The following AGMO variants were observed in gnomAD, a reference collection of about 807,000 sequenced individuals.
AGMO encodes the protein alkylglycerol monooxygenase.
In AGMO, 75 loss-of-function variants were observed where a neutral mutation model predicts 60.2. The ratio of observed to expected loss-of-function variants is 1.25; its 90% CI spans 1.03 to 1.51. The LOEUF is 1.51. Among genes scored for constraint, AGMO ranks in the 40% most tolerant of loss-of-function variants. The pLI is 0.00. For synonymous variants in AGMO, 261 were observed against 177.1 expected (o/e 1.47, Z -3.76); for missense variants, 763 against 525.5 (o/e 1.45, Z -4.42).
At chr7:15,185,842 A>G in the AGMO span, among the ~76,000 whole-genome samples, 1 of 152,350 alleles carries the variant, frequency 6.6e-6, no homozygotes, top group East Asian at 1.9e-4. Context: ...AAATTGGCCT[A>G]GAATCAAAAT....
At chr7:15,199,522 T>C (rs779409007), downstream of AGMO, among the ~76,000 whole-genome samples, 1 of 152,208 alleles carries the variant, frequency 6.6e-6, no homozygotes, top group Non-Finnish European at 1.5e-5. Flanking sequence ...TCTGACATAC[T>C]AAACAACTAT....
rs1224698959 is a variant in AGMO, at chr7:15,529,292, C to T, written c.409+15480G>A. ...GAAAGTATTGAAACAAATGTACCAC[C>T]CTATAATATTTAAATATATATTACT... On this transcript the variant is annotated intron_variant, in intron 3 of 12. Transcript: ENST00000342526. 2.7e-5 allele frequency among the ~76,000 whole-genome samples: 4 copies of T among 150,684 alleles called. No homozygotes were observed. The East Asian group carries it at 7.8e-4, about 30-fold the overall frequency.
At chr7:15,193,853 T>C in the AGMO span, among the ~76,000 whole-genome samples, 4 of 152,314 alleles carry the variant, frequency 2.6e-5, no homozygotes, top group East Asian at 7.7e-4. Flanking sequence ...AACATACTTT[T>C]ATTTTGATGT....
At chr7:15,226,392 C>G (rs752348510) in intron 12 of AGMO, among the ~76,000 whole-genome samples, 19 of 152,022 alleles carry the variant, frequency 1.2e-4, no homozygotes, top group Non-Finnish European at 2.8e-4. Context: ...TTTAAGATGA[C>G]AATATTTTTC....
intron 12 of AGMO, among the ~76,000 whole-genome samples, chr7:15,345,766 T>TA (rs1170804308): frequency 6.6e-6 from 1 of 152,150 alleles, no homozygotes; most frequent in African/African-American, 2.4e-5. Flanking sequence ...CTTGATAACT[T>TA]ACTTATCTAT....
At chr7:15,300,243 G>C (rs1427851358) in intron 12 of AGMO, among the ~76,000 whole-genome samples, 4 of 151,726 alleles carry the variant, frequency 2.6e-5, no homozygotes, top group Non-Finnish European at 5.9e-5. Context: ...TGAGGGAAGT[G>C]CTGAGTATGT....
At chr7:15,293,909 A>G (rs4721425) in intron 12 of AGMO, among the ~76,000 whole-genome samples, 53,523 of 152,000 alleles carry the variant, frequency 0.35, 11,068 homozygotes, top group East Asian at 0.5. Context: ...CAGAGGTGCA[A>G]TATCTCTGAA....
At chr7:15,358,135 T>C (rs989467727) in intron 12 of AGMO, 2 of 180,124 alleles carry the variant, frequency 1.1e-5, no homozygotes, top group African/African-American at 4.8e-5. Context: ...AATGAACATT[T>C]AATTCACCAT....
chr7:15,340,670 G>A (rs1421656596), intron 12 of AGMO, among the ~76,000 whole-genome samples: 1 of 152,188 alleles, frequency 6.6e-6, no homozygotes, highest in Non-Finnish European at 1.5e-5. Context: ...CTATGGGTGT[G>A]CAGAAGACAA....
At chr7:15,311,435 C>T (rs1780767012) in intron 12 of AGMO, among the ~76,000 whole-genome samples, 1 of 151,950 alleles carries the variant, frequency 6.6e-6, no homozygotes, top group Non-Finnish European at 1.5e-5. Flanking sequence ...CCTACCTTTC[C>T]AAAACCAAGT....
chr7:15,233,039 A>C (rs80076473), intron 12 of AGMO, among the ~76,000 whole-genome samples: 2,876 of 152,286 alleles, frequency 0.019, 99 homozygotes, highest in African/African-American at 0.067. Context: ...CATGCATCCC[A>C]TTATAAAATC....
At chr7:15,454,500 C>T (rs1338173020) in intron 3 of AGMO, among the ~76,000 whole-genome samples, 3 of 152,032 alleles carry the variant, frequency 2.0e-5, no homozygotes, top group Admixed American at 2.0e-4. Context: ...CTTAAATATA[C>T]ATGTTTTCAA....
intron 3 of AGMO, among the ~76,000 whole-genome samples, chr7:15,436,682 G>C (rs890360296): frequency 6.6e-6 from 1 of 152,110 alleles, no homozygotes; most frequent in Non-Finnish European, 1.5e-5. Flanking sequence ...TTTTATTAAA[G>C]AAGGAGAACA....
At chr7:15,373,520 A>C (rs1783312411) in intron 10 of AGMO, among the ~76,000 whole-genome samples, 1 of 152,118 alleles carries the variant, frequency 6.6e-6, no homozygotes, top group Admixed American at 6.6e-5. Flanking sequence ...GCCCACAGAT[A>C]TTATAAAGAA....
chr7:15,427,162 CA>C (rs1314028604), intron 4 of AGMO, among the ~76,000 whole-genome samples: 2 of 152,106 alleles, frequency 1.3e-5, no homozygotes, highest in Admixed American at 6.5e-5. Context: ...CTAGGATTCC[CA>C]GGAAACAATG....
At chr7:15,251,411 C>T (rs1159890514) in intron 12 of AGMO, among the ~76,000 whole-genome samples, 1 of 152,022 alleles carries the variant, frequency 6.6e-6, no homozygotes, top group Non-Finnish European at 1.5e-5. Flanking sequence ...GATGAAAGAG[C>T]TAAGAAGCCA....
At position 15,528,701 on chromosome 7, in the gene AGMO, T is replaced by G. The variant is rs770130524; in HGVS notation, c.409+16071A>C. Among the ~76,000 whole-genome samples the G allele has an allele frequency of 3.7e-4, 57 of 152,024 alleles. 1 individual carries two copies. Among genetic ancestry groups the G allele is most frequent in the African/African-American group, 1.3e-3 (55 of 41,384 alleles). On this transcript the variant is annotated intron_variant, in intron 3 of 12. Coordinates refer to ENST00000342526, the MANE Select transcript of AGMO (RefSeq NM_001004320.2). ...TCACTCTTTTTTGCCCAGGCTGGAG[T>G]GCAATGGCACGATCTCGGCTCACCG... is the stretch of plus-strand genomic sequence containing the variant.
chr7:15,124,918 T>C, the AGMO span, among the ~76,000 whole-genome samples: 1 of 152,004 alleles, frequency 6.6e-6, no homozygotes, highest in Non-Finnish European at 1.5e-5. Flanking sequence ...TAGAACATAG[T>C]CTAATGGCTG....
the AGMO span, among the ~76,000 whole-genome samples, chr7:15,146,859 T>C: frequency 6.6e-6 from 1 of 152,190 alleles, no homozygotes; most frequent in Non-Finnish European, 1.5e-5. Flanking sequence ...GCATAAAAAG[T>C]AGCTAACACT....
Sources: allele counts gnomAD v4.1 joint callset (sites outside exome capture counted in the v4.1 genomes callset), GRCh38; gene constraint gnomAD v4.1.1; transcripts MANE v1.5; gene names NCBI Gene and HGNC (gene_info 2026-07-23, HGNC 2026-07-21).